HS3ST2: variants seen among roughly 807,000 people sequenced by gnomAD.
The protein encoded by HS3ST2 is heparan sulfate-glucosamine 3-sulfotransferase 2.
Under a neutral mutation model 26.3 loss-of-function variants are expected in HS3ST2, and 17 were observed. The ratio of observed to expected loss-of-function variants is 0.65; its 90% CI spans 0.44 to 0.97. The LOEUF is 0.97. Ranked by LOEUF, HS3ST2 falls within the 50% of genes least tolerant of loss-of-function variation. HS3ST2 has a pLI of 0.00. For synonymous variants in HS3ST2, 237 were observed against 219.2 expected, an observed-to-expected ratio of 1.08 and a Z score of -0.72; for missense variants, 402 against 501.2, an observed-to-expected ratio of 0.80 and a Z score of 1.89.
chr16:22,886,776 T>C (rs540898182), intron 1 of HS3ST2, among the ~76,000 whole-genome samples: 2 of 152,212 alleles, frequency 1.3e-5, no homozygotes, highest in African/African-American at 4.8e-5. Context: ...TTCTTTTTTT[T>C]TTTAAGAGAG....
At chr16:22,837,531 A>G (rs1184421106) in intron 1 of HS3ST2, among the ~76,000 whole-genome samples, 2 of 146,184 alleles carry the variant, frequency 1.4e-5, no homozygotes, top group Non-Finnish European at 3.0e-5. Context: ...ACACATATAT[A>G]TACACAGATA....
intron 1 of HS3ST2, among the ~76,000 whole-genome samples, chr16:22,874,919 C>G (rs2015695): frequency 0.41 from 62,020 of 152,036 alleles, 13,163 homozygotes; most frequent in Non-Finnish European, 0.45. Flanking sequence ...AAATCACATA[C>G]AGGGAAGGGC....
rs1304227332 is a variant in HS3ST2 at position 22,814,265 on chromosome 16, C to G, written c.-346C>G. 1 of 227,238 alleles carries G rather than the reference C, an allele frequency of 4.4e-6. No homozygotes were observed. Among genetic ancestry groups the G allele is most frequent in the Non-Finnish European group, 8.5e-6 (1 of 117,740 alleles). 14.1% of individuals were successfully genotyped at this position (227,238 alleles called of 1,614,324 possible). On this transcript the variant is annotated 5_prime_UTR_variant, in exon 1 of 2. Transcript: ENST00000261374. ...GCCGCCGAGCGTTTCGTGAGCGGCG[C>G]TCCGAGGATCAGGAATGGGGCTTCG...
At chr16:22,888,397 T>TTTTTCTTTC (rs1902092067) in intron 1 of HS3ST2, among the ~76,000 whole-genome samples, 1 of 148,948 alleles carries the variant, frequency 6.7e-6, no homozygotes, top group Non-Finnish European at 1.5e-5. Flanking sequence ...TTTTTTCTTT[T>TTTTTCTTTC]TTTTTTTGAG....
chr16:22,825,450 G>C (rs1367228976), intron 1 of HS3ST2, among the ~76,000 whole-genome samples: 3 of 152,158 alleles, frequency 2.0e-5, no homozygotes, highest in Admixed American at 2.0e-4. Context: ...TTAGATGTTC[G>C]TGGAAAGTTT....
chr16:22,895,121 G>A (rs867149981), intron 1 of HS3ST2, among the ~76,000 whole-genome samples: 4 of 142,008 alleles, frequency 2.8e-5, no homozygotes, highest in South Asian at 4.5e-4. Flanking sequence ...AGACAGTTTC[G>A]CTCTGTTGCC....
At chr16:22,875,385 TA>T (rs1244697300) in intron 1 of HS3ST2, among the ~76,000 whole-genome samples, 1 of 152,012 alleles carries the variant, frequency 6.6e-6, no homozygotes, top group Admixed American at 6.5e-5. Flanking sequence ...TTTATTTATT[TA>T]TTTATTTATT....
intron 1 of HS3ST2, among the ~76,000 whole-genome samples, chr16:22,897,664 C>A (rs1435103894): frequency 8.1e-5 from 2 of 24,814 alleles, no homozygotes; most frequent in Admixed American, 4.7e-4. Context: ...TTTGCCTTGC[C>A]TAACTTTAAT....
chr16:22,879,013 C>T (rs1474066497), intron 1 of HS3ST2, among the ~76,000 whole-genome samples: 1 of 152,232 alleles, frequency 6.6e-6, no homozygotes, highest in South Asian at 2.1e-4. Flanking sequence ...CATATTCCTG[C>T]AACCATCTTA....
At position 22,894,773 on chromosome 16, in the gene HS3ST2, G is replaced by A. The variant is rs569518186; in HGVS notation, c.486-20171G>A. 5.3e-5 allele frequency among the ~76,000 whole-genome samples: 8 copies of A among 150,522 alleles called. No homozygotes were observed. The South Asian group carries it at 8.4e-4, about 16-fold the overall frequency. On this transcript the variant is annotated intron_variant, in intron 1 of 1. Transcript: ENST00000261374. Reference sequence around the variant, plus strand: ...AAAAAGGAGTTGGAGGCTGTCGTGCGCCGTGATCGTGCCACTGCACTCCAG... The same window carrying A: ...AAAAAGGAGTTGGAGGCTGTCGTGCACCGTGATCGTGCCACTGCACTCCAG...
At chr16:22,844,818 C>G (rs745896137) in intron 1 of HS3ST2, among the ~76,000 whole-genome samples, 8 of 152,058 alleles carry the variant, frequency 5.3e-5, no homozygotes, top group Non-Finnish European at 8.8e-5. Context: ...CCTGTACAGC[C>G]TGCAGAACTG....
Position 22,914,992 on chromosome 16 carries a change from G to T in HS3ST2, c.534G>T (p.Thr178=). The part of the protein sequence containing the change: ...TLESQITLEK[T]PSYFVTQEAP... ...AGAGCCAGATCACGCTGGAGAAGAC[G>T]CCCAGCTACTTTGTCACTCAAGAGG... Residue 178 remains threonine, a synonymous_variant, in exon 2 of 2, where the codon ACG becomes ACT. Transcript: ENST00000261374. 8 of 1,613,730 alleles carry T rather than the reference G, an allele frequency of 5.0e-6. No homozygotes were observed. The highest frequency in any genetic ancestry group is 6.8e-6 in the Non-Finnish European group (8 of 1,179,962).
chr16:22,816,307 C>G (rs532577970), intron 1 of HS3ST2, among the ~76,000 whole-genome samples: 1 of 152,184 alleles, frequency 6.6e-6, no homozygotes, highest in Non-Finnish European at 1.5e-5. Context: ...CTGTTTTTAT[C>G]TACAGCTTTA....
intron 1 of HS3ST2, among the ~76,000 whole-genome samples, chr16:22,874,227 T>C (rs1901879583): frequency 6.6e-6 from 1 of 152,174 alleles, no homozygotes; most frequent in African/African-American, 2.4e-5. Flanking sequence ...AACTGAGCGT[T>C]AGGATTTCAA....
At chr16:22,914,526 G>A (rs1902464568) in intron 1 of HS3ST2, among the ~76,000 whole-genome samples, 1 of 151,798 alleles carries the variant, frequency 6.6e-6, no homozygotes, top group African/African-American at 2.4e-5. Flanking sequence ...GCAACATAAT[G>A]AGACCCTGCT....
At position 22,859,276 on chromosome 16, in the gene HS3ST2, A is replaced by G. The variant is rs114277565; in HGVS notation, c.485+44181A>G. ...GAAGACCAAAACCTTCACCTTAGCG[A>G]CTAGTATGAAGTATTTTGCAGTACT... On this transcript the variant is annotated intron_variant, in intron 1 of 1. Transcript: ENST00000261374. 9.3e-3 allele frequency among the ~76,000 whole-genome samples: 1,419 copies of G among 152,310 alleles called. 26 individuals are homozygous for G. Among genetic ancestry groups the G allele is most frequent in the African/African-American group, 0.033 (1,352 of 41,558 alleles).
chr16:22,875,923 C>T (rs1273924600), intron 1 of HS3ST2, among the ~76,000 whole-genome samples: 7 of 152,192 alleles, frequency 4.6e-5, no homozygotes, highest in Non-Finnish European at 1.0e-4. Context: ...TTCAGGACAG[C>T]AACATGCTGT....
intron 1 of HS3ST2, among the ~76,000 whole-genome samples, chr16:22,842,912 A>T (rs1901378903): frequency 6.6e-6 from 1 of 152,178 alleles, no homozygotes; most frequent in East Asian, 1.9e-4. Context: ...TGTCTGTCCC[A>T]TTGTGCCATG....
intron 1 of HS3ST2, among the ~76,000 whole-genome samples, chr16:22,841,538 T>G (rs1341759328): frequency 6.6e-6 from 1 of 152,226 alleles, no homozygotes; most frequent in Non-Finnish European, 1.5e-5. Context: ...TCAGAATTCA[T>G]CAATATTTTA....
Sources: allele counts gnomAD v4.1 joint callset (sites outside exome capture counted in the v4.1 genomes callset), GRCh38; gene constraint gnomAD v4.1.1; transcripts MANE v1.5; gene names NCBI Gene and HGNC (gene_info 2026-07-23, HGNC 2026-07-21).